RBFOX3: variants seen among roughly 807,000 people sequenced by gnomAD.
RBFOX3 encodes RNA binding fox-1 homolog 3, also known as RNA binding protein fox-1 homolog 3.
In RBFOX3, 17 loss-of-function variants were observed where a neutral mutation model predicts 48.7. The ratio of observed to expected loss-of-function variants is 0.35; its 90% CI spans 0.24 to 0.52. The LOEUF (loss-of-function observed/expected upper bound fraction) is 0.52, where lower values mean the gene tolerates loss of function less well. RBFOX3 is among the 20% of genes least tolerant of loss of function. The probability of loss-of-function intolerance (pLI) is 0.94; values close to 1 mark genes in which losing one functional copy is unlikely to be tolerated. For synonymous variants in RBFOX3, 212 were observed against 209.5 expected (o/e 1.01, Z -0.10); for missense variants, 382 against 497.5 (o/e 0.77, Z 2.21).
chr17:79,620,499 A>G, the RBFOX3 span, among the ~76,000 whole-genome samples: 1,413 of 145,196 alleles, frequency 9.7e-3, 8 homozygotes, highest in Non-Finnish European at 0.015. Flanking sequence ...ACACACGCGC[A>G]CACACATGCG....
chr17:79,428,010 C>A lies in RBFOX3; in HGVS notation c.-175+54444G>T, dbSNP rs541445650. The stretch of plus-strand genomic sequence containing the variant: ...TGACGTGGCCACCACAAAACCACGG[C>A]ATCCCCACACTCCCTCCTCCTGTAT... On this transcript the variant is annotated intron_variant, in intron 2 of 14. Coordinates refer to ENST00000693108, the MANE Select transcript of RBFOX3 (RefSeq NM_001350451.2). Among the ~76,000 whole-genome samples, 14 of 152,336 alleles carry A rather than the reference C, an allele frequency of 9.2e-5. No homozygotes were observed. The East Asian group carries it at 2.7e-3, about 29-fold the overall frequency.
At chr17:79,449,436 T>G in intron 2 of RBFOX3, among the ~76,000 whole-genome samples, 1 of 152,132 alleles carries the variant, frequency 6.6e-6, no homozygotes, top group Middle Eastern at 3.4e-3. Flanking sequence ...CAAAATTTCC[T>G]GGGCTCTCCC....
chr17:79,243,986 A>G lies in RBFOX3; in HGVS notation c.-73-8181T>C, dbSNP rs2062769670. ...CAGACAGGCAAGTTTCAGGGGCCAG[A>G]GCCCAGCACTGGGTCATCTCAACAA... is the stretch of plus-strand genomic sequence containing the variant. On this transcript the variant is annotated intron_variant, in intron 3 of 14. Transcript: ENST00000693108. This position sits in a 1 kb window ranked among gnomAD's most constrained non-coding sequence, Gnocchi z 7.9. Among the ~76,000 whole-genome samples, 1 of 152,158 alleles carries G rather than the reference A, an allele frequency of 6.6e-6. No individual in the cohort carries two copies. Among genetic ancestry groups the G allele is most frequent in the Non-Finnish European group, 1.5e-5 (1 of 68,030 alleles).
At chr17:79,536,593 G>A (rs1374368858) in intron 1 of RBFOX3, among the ~76,000 whole-genome samples, 3 of 147,940 alleles carry the variant, frequency 2.0e-5, no homozygotes, top group African/African-American at 7.6e-5. Flanking sequence ...CATCACCCTC[G>A]GGCCTCCTTG....
intron 1 of RBFOX3, among the ~76,000 whole-genome samples, chr17:79,518,210 T>C (rs1471132480): frequency 2.0e-5 from 3 of 152,156 alleles, no homozygotes; most frequent in Non-Finnish European, 4.4e-5. Flanking sequence ...TAGGTTTTTT[T>C]CTCTCTCTCT....
chr17:79,107,972 TGG>T (rs1318991109), intron 5 of RBFOX3, among the ~76,000 whole-genome samples: 2 of 152,226 alleles, frequency 1.3e-5, no homozygotes. Context: ...CAGCTGCCCA[TGG>T]GAACAGCAGG....
At chr17:79,146,705 C>G (rs1164941227) in intron 4 of RBFOX3, among the ~76,000 whole-genome samples, 1 of 152,204 alleles carries the variant, frequency 6.6e-6, no homozygotes, top group East Asian at 1.9e-4. Context: ...AGAGCTGGTG[C>G]CTGCCCAGGG....
At chr17:79,226,543 C>A (rs2060330261) in intron 4 of RBFOX3, among the ~76,000 whole-genome samples, 1 of 152,152 alleles carries the variant, frequency 6.6e-6, no homozygotes. Context: ...GTGACTGCAC[C>A]CAGTGTGTCC....
At chr17:79,371,007 T>C (rs907905) in intron 2 of RBFOX3, among the ~76,000 whole-genome samples, 2 of 151,936 alleles carry the variant, frequency 1.3e-5, no homozygotes, top group Non-Finnish European at 2.9e-5. Flanking sequence ...CGGTAGGGGG[T>C]TAGGGAGGGA....
intron 3 of RBFOX3, among the ~76,000 whole-genome samples, chr17:79,306,246 G>T (rs1185617165): frequency 1.3e-5 from 2 of 152,242 alleles, no homozygotes; most frequent in East Asian, 3.8e-4. Context: ...CCCATGCACG[G>T]CAATGGCGGA....
At chr17:79,148,505 C>CA (rs1555715573) in intron 4 of RBFOX3, among the ~76,000 whole-genome samples, 4 of 152,294 alleles carry the variant, frequency 2.6e-5, no homozygotes, top group African/African-American at 9.6e-5. Flanking sequence ...CACACCCCCC[C>CA]AGACCATGGT....
chr17:79,344,385 G>A lies in RBFOX3; in HGVS notation c.-174-36561C>T, dbSNP rs188540066. On this transcript the variant is annotated intron_variant, in intron 2 of 14. Transcript: ENST00000693108. Reference sequence around the variant, plus strand: ...TCCCGAGAGCTTTCAAACAACCTCCGGCGATTCTACAAGCACCAATAAAAA... The same window carrying A: ...TCCCGAGAGCTTTCAAACAACCTCCAGCGATTCTACAAGCACCAATAAAAA... Among the ~76,000 whole-genome samples the A allele has an allele frequency of 8.2e-4, 125 of 151,926 alleles. No individual in the cohort carries two copies. The Middle Eastern group carries it at 0.01, about 12-fold the overall frequency.
the RBFOX3 span, among the ~76,000 whole-genome samples, chr17:79,620,657 ACACACGCACATG>A: frequency 0.055 from 7,538 of 137,626 alleles, 629 homozygotes; most frequent in African/African-American, 0.24. Context: ...ACGGACATGC[ACACACGCACATG>A]CACACACGCA....
At chr17:79,595,201 G>A (rs1212283337) in intron 1 of RBFOX3, among the ~76,000 whole-genome samples, 1 of 152,020 alleles carries the variant, frequency 6.6e-6, no homozygotes, top group East Asian at 1.9e-4. Context: ...CCATAATGGG[G>A]CCACCAAGGT....
Position 79,199,257 on chromosome 17 carries a change from G to A in RBFOX3, c.-34+36509C>T, listed in dbSNP as rs1042243283. Among the ~76,000 whole-genome samples the A allele has an allele frequency of 7.9e-5, 12 of 152,098 alleles. No individual in the cohort carries two copies. Among genetic ancestry groups the A allele is most frequent in the African/African-American group, 1.2e-4 (5 of 41,408 alleles). On this transcript the variant is annotated intron_variant, in intron 4 of 14. Transcript: ENST00000693108. This position sits in a 1 kb window ranked among gnomAD's most constrained non-coding sequence, Gnocchi z 5.1. ...AAGACCTCCCTAGCCCCCCACCCTCGGCAGCACCACCCACCAGCCCCTTCC... is the reference window on the plus strand; with the variant it reads ...AAGACCTCCCTAGCCCCCCACCCTCAGCAGCACCACCCACCAGCCCCTTCC...
At chr17:79,544,706 C>G (rs1221075156) in intron 1 of RBFOX3, among the ~76,000 whole-genome samples, 1 of 152,004 alleles carries the variant, frequency 6.6e-6, no homozygotes. Context: ...AAGCCTGCAT[C>G]CTCAGGCTCT....
intron 4 of RBFOX3, among the ~76,000 whole-genome samples, chr17:79,136,967 G>A (rs1203640955): frequency 6.6e-6 from 1 of 150,828 alleles, no homozygotes; most frequent in African/African-American, 2.5e-5. Flanking sequence ...CAGCTTGTAT[G>A]GTCCTGGGAT....
intron 4 of RBFOX3, among the ~76,000 whole-genome samples, chr17:79,169,798 G>A (rs1482586258): frequency 2.0e-5 from 3 of 152,218 alleles, no homozygotes; most frequent in South Asian, 4.1e-4. Context: ...TAGAAGTGGC[G>A]ATGGCTGCAC....
intron 4 of RBFOX3, among the ~76,000 whole-genome samples, chr17:79,150,058 G>T (rs1457425706): frequency 1.9e-5 from 1 of 53,218 alleles, no homozygotes; most frequent in East Asian, 7.2e-4. Flanking sequence ...TGGGGATGGG[G>T]GTTGAGGGTG....
Sources: gnomAD v4.1 joint callset for allele counts (sites outside exome capture counted in the v4.1 genomes callset) on GRCh38, gnomAD v4.1.1 for gene constraint, Gnocchi (gnomAD v3.1) non-coding constraint, MANE v1.5 for transcripts, NCBI Gene and HGNC (gene_info 2026-07-23, HGNC 2026-07-21) for gene names.